ATP5PD: variants seen among roughly 807,000 people sequenced by gnomAD.
ATP5PD encodes the protein ATP synthase peripheral stalk subunit d.
Under a neutral mutation model 22.6 loss-of-function variants are expected in ATP5PD, and 13 were observed. That is an observed-to-expected ratio of 0.58 (90% CI 0.37 to 0.91). The LOEUF (loss-of-function observed/expected upper bound fraction) is 0.91, where lower values mean the gene tolerates loss of function less well. Among genes scored for constraint, ATP5PD ranks in the 40% least tolerant of loss-of-function variants. The probability of loss-of-function intolerance (pLI) is 0.00; values close to 1 mark genes in which losing one functional copy is unlikely to be tolerated. For missense variants in ATP5PD, 165 were observed against 188.0 expected, an observed-to-expected ratio of 0.88 and a Z score of 0.72; for synonymous variants, 51 against 65.0, an observed-to-expected ratio of 0.79 and a Z score of 1.03.
chr17:75,040,113 C>T lies in ATP5PD; in HGVS notation c.270G>A (p.Val90=), dbSNP rs772901767. The stretch of plus-strand genomic sequence containing the variant: ...TTACATCTTCTTTTTCTTCGGCATC[C>T]ACCTGGGCAGTATATTTATCCTCTG... The part of the protein sequence containing the change: ...PVPEDKYTAQ[V]DAEEKEDVKS... Residue 90 remains valine, a synonymous_variant, in exon 4 of 6, where the codon GTG becomes GTA. Transcript: ENST00000301587. 3 of 1,613,206 alleles carry T rather than the reference C, an allele frequency of 1.9e-6. No homozygotes were observed. Among genetic ancestry groups the T allele is most frequent in the South Asian group, 1.1e-5 (1 of 91,050 alleles).
At chr17:75,040,835 G>C (rs2073152202) in intron 3 of ATP5PD, 1 of 150,922 alleles carries the variant, frequency 6.6e-6, no homozygotes, top group African/African-American at 2.4e-5. Flanking sequence ...GCAGTGAGCT[G>C]AGATGGCCCC....
intron 1 of ATP5PD, among the ~76,000 whole-genome samples, chr17:75,044,885 TC>T (rs1184891084): frequency 6.6e-6 from 1 of 152,174 alleles, no homozygotes; most frequent in African/African-American, 2.4e-5. Context: ...GTCCTTCCTT[TC>T]TTTCTCAGGA....
At chr17:75,041,807 A>C in intron 3 of ATP5PD, 1 of 163,590 alleles carries the variant, frequency 6.1e-6, no homozygotes, top group Non-Finnish European at 1.3e-5. Context: ...TCTGGGCTGT[A>C]GCGCGTTATG....
At chr17:75,042,016 G>T (rs768080143) in intron 3 of ATP5PD, 165 bp downstream of exon 3, 22 of 587,722 alleles carry the variant, frequency 3.7e-5, no homozygotes, top group Non-Finnish European at 1.5e-5. Context: ...CTAAATTCCT[G>T]CACCTATTTA....
Position 75,042,572 on chromosome 17 carries a change from T to C in ATP5PD, c.79A>G (p.Ile27Val). 1 of 1,612,922 alleles carries C rather than the reference T, an allele frequency of 6.2e-7. No homozygotes were observed. The highest frequency in any genetic ancestry group is 8.5e-7 in the Non-Finnish European group (1 of 1,179,876). Reference protein sequence around the residue: ...AEIIPQNQKAIASSLKSWNET... With the variant: ...AEIIPQNQKAVASSLKSWNET... ...TTCCAGGATTTCAGGGAACTAGCAA[T>C]GGCCTTTTGGTTCTGGGGTATGATC... is the stretch of plus-strand genomic sequence containing the variant. The change falls in exon 2 of 6, where the codon ATT (isoleucine) becomes GTT (valine). Residue 27 changes from isoleucine to valine, a missense_variant. Coordinates refer to ENST00000301587, the MANE Select transcript of ATP5PD (RefSeq NM_006356.3).
At chr17:75,039,093 T>C (rs2073130881) in intron 5 of ATP5PD, 30 bp from the exon 6 acceptor site, 2 of 1,612,958 alleles carry the variant, frequency 1.2e-6, no homozygotes, top group South Asian at 1.1e-5. Context: ...GTTTAGTTAA[T>C]GTAAACAGAG....
chr17:75,041,938 C>G, intron 3 of ATP5PD: 1 of 428,182 alleles, frequency 2.3e-6, no homozygotes. Context: ...GGTCAAAACT[C>G]CTGTGCTGAT....
chr17:75,038,907 C>T lies in ATP5PD; in HGVS notation c.*25G>A, dbSNP rs1160444438. 2 of 1,607,058 alleles carry T rather than the reference C, an allele frequency of 1.2e-6. No homozygotes were observed. Among genetic ancestry groups the T allele is most frequent in the Admixed American group, 1.7e-5 (1 of 58,756 alleles). On this transcript the variant is annotated 3_prime_UTR_variant, in exon 6 of 6. Transcript: ENST00000301587. ...ATGTCCAGAATGTGTAATACAAGGGCCAGAGCTTCCTCCTGGACTCAATTT... is the reference window on the plus strand; with the variant it reads ...ATGTCCAGAATGTGTAATACAAGGGTCAGAGCTTCCTCCTGGACTCAATTT...
At chr17:75,040,790 G>T (rs1464025071) in intron 3 of ATP5PD, 2 of 151,984 alleles carry the variant, frequency 1.3e-5, no homozygotes, top group African/African-American at 4.8e-5. Flanking sequence ...GGAGGCTGAG[G>T]CAAGAGAACT....
At chr17:75,043,313 A>G in intron 1 of ATP5PD, among the ~76,000 whole-genome samples, 1 of 151,404 alleles carries the variant, frequency 6.6e-6, no homozygotes, top group Non-Finnish European at 1.5e-5. Context: ...ATTTAGCCTT[A>G]AAAGCCCAGC....
chr17:75,041,457 A>AAC (rs2073159565), intron 3 of ATP5PD: 1 of 151,492 alleles, frequency 6.6e-6, no homozygotes, highest in African/African-American at 2.4e-5. Flanking sequence ...CAAAAAAAAA[A>AAC]AAAAAACAAA....
chr17:75,042,730 A>G (rs2073173608), intron 1 of ATP5PD, 71 bp from the exon 2 acceptor site: 2 of 1,442,182 alleles, frequency 1.4e-6, no homozygotes, highest in East Asian at 4.6e-5. Context: ...AATGATAAAT[A>G]ACAAAATAAG....
chr17:75,046,580 C>G (rs1158264980), intron 1 of ATP5PD, among the ~76,000 whole-genome samples: 1 of 152,228 alleles, frequency 6.6e-6, no homozygotes, highest in African/African-American at 2.4e-5. Context: ...CTGAGCGTCC[C>G]TCGGCAGGTT....
chr17:75,045,096 C>G (rs2073199869), intron 1 of ATP5PD, among the ~76,000 whole-genome samples: 1 of 152,142 alleles, frequency 6.6e-6, no homozygotes, highest in Non-Finnish European at 1.5e-5. Context: ...AATTTTAAAG[C>G]TGGGCGTCCG....
Position 75,038,976 on chromosome 17 carries a change from T to C in ATP5PD, c.442A>G (p.Lys148Glu). Residue 148 changes from lysine (K) to glutamate (E), a missense_variant, in exon 6 of 6, where the codon AAA becomes GAA. By Grantham distance (56) the Lys-to-Glu change is moderately conservative. Coordinates refer to ENST00000301587, the MANE Select transcript of ATP5PD (RefSeq NM_006356.3). The part of the protein sequence containing the change: ...EAFPETKLDK[K>E]KYPYWPHQPI... ...TGGTGAGGCCAATAGGGATACTTTT[T>C]CTTGTCTAATTTGGTTTCTGGGAAA... The C allele has an allele frequency of 6.2e-7, 1 of 1,614,218 alleles. No individual in the cohort carries two copies. Among genetic ancestry groups the C allele is most frequent in the South Asian group, 1.1e-5 (1 of 91,084 alleles).
Position 75,042,522 on chromosome 17 carries a change from T to C in ATP5PD, c.122+7A>G, listed in dbSNP as rs1368334062. 1 of 1,609,638 alleles carries C rather than the reference T, an allele frequency of 6.2e-7. No homozygotes were observed. The highest frequency in any genetic ancestry group is 8.5e-7 in the Non-Finnish European group (1 of 1,179,206). ...AGTATGGGGTTCCCTCTCAGAAACA[T>C]ACTGACCTGGAGGTGAGGGTCTCAT... On this transcript the variant is annotated splice_region_variant and intron_variant, in intron 2 of 5. Coordinates refer to ENST00000301587, the MANE Select transcript of ATP5PD (RefSeq NM_006356.3).
intron 1 of ATP5PD, among the ~76,000 whole-genome samples, chr17:75,046,071 T>C (rs1043242171): frequency 6.6e-6 from 1 of 152,214 alleles, no homozygotes; most frequent in African/African-American, 2.4e-5. Context: ...AAAATGGAAG[T>C]CACAAATAAC....
intron 3 of ATP5PD, chr17:75,041,863 C>G (rs1158956498): frequency 4.4e-6 from 1 of 225,484 alleles, no homozygotes; most frequent in Non-Finnish European, 8.6e-6. Flanking sequence ...TGGTGACCTC[C>G]CAGGAGCGGG....
At chr17:75,042,030 T>G in intron 3 of ATP5PD, 151 bp downstream of exon 3, 1 of 632,996 alleles carries the variant, frequency 1.6e-6, no homozygotes, top group South Asian at 2.1e-5. Context: ...CTATTTACAG[T>G]TCAATCGACC....
Sources: gnomAD v4.1 joint callset for allele counts (sites outside exome capture counted in the v4.1 genomes callset) on GRCh38, gnomAD v4.1.1 for gene constraint, MANE v1.5 for transcripts, NCBI Gene and HGNC (gene_info 2026-07-23, HGNC 2026-07-21) for gene names.